Variants in ARSB observed in about 807,000 individuals in gnomAD.
ARSB encodes arylsulfatase B.
A neutral mutation model predicts 50.9 loss-of-function variants in ARSB; 41 were observed. The ratio of observed to expected loss-of-function variants is 0.81; its 90% CI spans 0.63 to 1.04. The LOEUF (loss-of-function observed/expected upper bound fraction) is 1.04, where lower values mean the gene tolerates loss of function less well. Ranked by LOEUF, ARSB falls within the 50% of genes least tolerant of loss-of-function variation. ARSB has a pLI of 0.00. For synonymous variants in ARSB, 269 were observed against 284.8 expected, an observed-to-expected ratio of 0.94 and a Z score of 0.56; for missense variants, 672 against 693.3, an observed-to-expected ratio of 0.97 and a Z score of 0.35.
At chr5:78,811,919 C>T (rs1029760375) in intron 6 of ARSB, among the ~76,000 whole-genome samples, 23 of 151,614 alleles carry the variant, frequency 1.5e-4, no homozygotes, top group Admixed American at 1.4e-3. Flanking sequence ...AGTGTATTCA[C>T]ATTTCATCCA....
At chr5:78,976,278 CTTTTTTTT>C (rs541278624) in intron 1 of ARSB, among the ~76,000 whole-genome samples, 1 of 76,888 alleles carries the variant, frequency 1.3e-5, no homozygotes, top group Non-Finnish European at 2.5e-5. Flanking sequence ...AAACAGGCTA[CTTTTTTTT>C]TTTTTTTTTT....
chr5:78,983,552 CAA>C (rs1753012038), intron 1 of ARSB, among the ~76,000 whole-genome samples: 1 of 152,096 alleles, frequency 6.6e-6, no homozygotes, highest in South Asian at 2.1e-4. Flanking sequence ...TTTACTCCCA[CAA>C]AGTGTCCAGG....
At chr5:78,919,801 G>A (rs1305008994) in intron 4 of ARSB, among the ~76,000 whole-genome samples, 6 of 152,140 alleles carry the variant, frequency 3.9e-5, no homozygotes, top group African/African-American at 1.4e-4. Context: ...GCACCCTGCT[G>A]AGAGAATAAT....
At chr5:78,951,037 A>T (rs1751474383) in intron 4 of ARSB, among the ~76,000 whole-genome samples, 1 of 152,076 alleles carries the variant, frequency 6.6e-6, no homozygotes, top group South Asian at 2.1e-4. Context: ...CCTCAAGTAG[A>T]TCTGGGTTTG....
intron 6 of ARSB, among the ~76,000 whole-genome samples, chr5:78,829,740 A>C (rs1744589215): frequency 6.6e-6 from 1 of 152,244 alleles, no homozygotes; most frequent in African/African-American, 2.4e-5. Flanking sequence ...AAAACCCCTA[A>C]AAATTCTGAC....
chr5:78,880,403 A>G (rs949497984), intron 5 of ARSB, among the ~76,000 whole-genome samples: 21 of 152,216 alleles, frequency 1.4e-4, no homozygotes, highest in African/African-American at 5.1e-4. Flanking sequence ...CTCACCTGGC[A>G]AAGTGTCCTA....
chr5:78,979,261 T>C (rs1006495080), intron 1 of ARSB, among the ~76,000 whole-genome samples: 1 of 152,108 alleles, frequency 6.6e-6, no homozygotes, highest in Non-Finnish European at 1.5e-5. Context: ...ATTAGGGAAA[T>C]GAAAATCAAA....
intron 4 of ARSB, among the ~76,000 whole-genome samples, chr5:78,922,188 G>T (rs1358904173): frequency 2.0e-5 from 3 of 149,160 alleles, no homozygotes. Context: ...TGGGCTTAGA[G>T]CCAGTGGATT....
At chr5:78,791,076 C>T (rs543542151) in intron 6 of ARSB, among the ~76,000 whole-genome samples, 3 of 152,184 alleles carry the variant, frequency 2.0e-5, no homozygotes, top group East Asian at 1.9e-4. Flanking sequence ...TTTCATTCTT[C>T]GCCAATAACC....
chr5:78,889,693 A>G (rs772748095), intron 4 of ARSB, among the ~76,000 whole-genome samples: 1 of 152,266 alleles, frequency 6.6e-6, no homozygotes, highest in Non-Finnish European at 1.5e-5. Context: ...CAAAGATCTA[A>G]GCAAAAACAT....
At chr5:78,904,453 T>C (rs1200118692) in intron 4 of ARSB, among the ~76,000 whole-genome samples, 1 of 152,052 alleles carries the variant, frequency 6.6e-6, no homozygotes, top group Non-Finnish European at 1.5e-5. Flanking sequence ...TTATCCTGTT[T>C]GGATTTCACT....
chr5:78,876,158 A>AAT (rs1554078401), intron 5 of ARSB, among the ~76,000 whole-genome samples: 5 of 151,786 alleles, frequency 3.3e-5, no homozygotes, highest in South Asian at 2.1e-4. Flanking sequence ...AACATAATTA[A>AAT]ATATATATAT....
chr5:78,942,775 T>G (rs1470922488), intron 4 of ARSB, among the ~76,000 whole-genome samples: 2 of 152,012 alleles, frequency 1.3e-5, no homozygotes, highest in African/African-American at 4.8e-5. Flanking sequence ...GGGTGGAGAG[T>G]TCTGTAGATG....
rs561170333 is a variant in ARSB at position 78,951,322 on chromosome 5, AATACT to A, written c.898+3968_898+3972del. On this transcript the variant is annotated intron_variant, in intron 4 of 7. Coordinates refer to ENST00000264914, the MANE Select transcript of ARSB (RefSeq NM_000046.5). ...GTTACATTGAGGTTTAATGCTACTAAATACTATACTATACTATACTAACAAGCTTG... is the reference window on the plus strand; with the variant it reads ...GTTACATTGAGGTTTAATGCTACTAAATACTATACTATACTAACAAGCTTG... Among the ~76,000 whole-genome samples the A allele has an allele frequency of 8.1e-3, 1,231 of 152,250 alleles. 11 individuals carry two copies. Among genetic ancestry groups the A allele is most frequent in the Non-Finnish European group, 0.015 (1,003 of 68,010 alleles).
chr5:78,981,843 T>C (rs1752916327), intron 1 of ARSB, among the ~76,000 whole-genome samples: 1 of 152,228 alleles, frequency 6.6e-6, no homozygotes, highest in Non-Finnish European at 1.5e-5. Context: ...TTTTCTAAAG[T>C]TAAATAATTA....
chr5:78,934,845 G>C (rs1422929410), intron 4 of ARSB, among the ~76,000 whole-genome samples: 1 of 151,890 alleles, frequency 6.6e-6, no homozygotes, highest in Non-Finnish European at 1.5e-5. Context: ...GTGGTAGATA[G>C]ATAACTTTAG....
intron 6 of ARSB, among the ~76,000 whole-genome samples, chr5:78,807,027 T>C (rs1420773154): frequency 6.6e-6 from 1 of 152,126 alleles, no homozygotes; most frequent in Non-Finnish European, 1.5e-5. Context: ...AGCTGGGCCA[T>C]GAAGGTGGGA....
chr5:78,840,303 T>C (rs1333443487), intron 5 of ARSB, among the ~76,000 whole-genome samples: 3 of 152,204 alleles, frequency 2.0e-5, no homozygotes, highest in African/African-American at 4.8e-5. Flanking sequence ...CAAAGTACTG[T>C]TAACACCACA....
intron 3 of ARSB, among the ~76,000 whole-genome samples, chr5:78,955,861 A>G (rs1051993144): frequency 3.3e-5 from 5 of 152,264 alleles, no homozygotes; most frequent in Admixed American, 2.6e-4. Flanking sequence ...TAGGATGGTG[A>G]TAATTTAAAA....
Sources: allele counts gnomAD v4.1 joint callset (sites outside exome capture counted in the v4.1 genomes callset), GRCh38; gene constraint gnomAD v4.1.1; transcripts MANE v1.5; gene names NCBI Gene and HGNC (gene_info 2026-07-23, HGNC 2026-07-21).